The following SYNE1 variants were observed in gnomAD, a reference collection of about 807,000 sequenced individuals.
The protein encoded by SYNE1 is nesprin-1.
A neutral mutation model predicts 1,111.0 loss-of-function variants in SYNE1; 616 were observed. The observed-to-expected ratio is 0.55, with a 90% confidence interval of 0.52 to 0.59. The LOEUF (loss-of-function observed/expected upper bound fraction) is 0.59. Ranked by LOEUF, SYNE1 falls within the 20% of genes least tolerant of loss-of-function variation. The probability of loss-of-function intolerance (pLI) is 0.00; values close to 1 mark genes in which losing one functional copy is unlikely to be tolerated. For synonymous variants in SYNE1, 3,855 were observed against 3,825.8 expected (o/e 1.01, Z -0.28); for missense variants, 10,006 against 10,417.0 (o/e 0.96, Z 1.72).
intron 68 of SYNE1, 47 bp from the exon 69 acceptor site, chr6:152,353,480 C>T (rs572624303): frequency 1.2e-4 from 201 of 1,612,072 alleles, no homozygotes; most frequent in Non-Finnish European, 1.6e-4. Context: ...AGGCCTGTGC[C>T]AGGGCCTTTG....
At chr6:152,426,638 T>C (rs2098360943) in intron 38 of SYNE1, among the ~76,000 whole-genome samples, 1 of 152,220 alleles carries the variant, frequency 6.6e-6, no homozygotes, top group South Asian at 2.1e-4. Context: ...GTCCCTCCCC[T>C]CTGGGAATAC....
At chr6:152,338,504 C>T (rs2096457546) in intron 75 of SYNE1, among the ~76,000 whole-genome samples, 2 of 151,890 alleles carry the variant, frequency 1.3e-5, no homozygotes, top group South Asian at 4.2e-4. Context: ...TGCCTATAGT[C>T]CCAGCTATTG....
At chr6:152,195,952 C>T (rs1196909315) in intron 127 of SYNE1, among the ~76,000 whole-genome samples, 2 of 152,194 alleles carry the variant, frequency 1.3e-5, no homozygotes, top group African/African-American at 2.4e-5. Flanking sequence ...CTACCTGGTG[C>T]TCTGTTCTAC....
At chr6:152,231,607 G>C in intron 113 of SYNE1, 40 bp from the exon 114 acceptor site, 1 of 1,595,224 alleles carries the variant, frequency 6.3e-7, no homozygotes, top group Non-Finnish European at 8.6e-7. Flanking sequence ...TACAATAAAT[G>C]TCTCATTAGT....
In SYNE1 at chr6:152,353,759, T is replaced by C. The variant is rs1361802635; in HGVS notation, c.10927-15A>G. 2 of 1,613,540 alleles carry C rather than the reference T, an allele frequency of 1.2e-6. No homozygotes were observed. Among genetic ancestry groups the C allele is most frequent in the East Asian group, 2.2e-5 (1 of 44,874 alleles). On this transcript the variant is annotated splice_polypyrimidine_tract_variant and intron_variant, in intron 67 of 145. Transcript: ENST00000367255. ...TCGTGCCACTTCTGAAATGACAAAG[T>C]ATCGAAGGGAAAGATTCAATCTTAG...
chr6:152,409,433 T>A, intron 43 of SYNE1, 126 bp downstream of exon 43: 1 of 1,346,898 alleles, frequency 7.4e-7, no homozygotes, highest in Non-Finnish European at 1.0e-6. Context: ...GAAAAAAAGT[T>A]GAGCTCATTA....
Position 152,381,098 on chromosome 6 carries a change from T to C in SYNE1, c.8917A>G (p.Ser2973Gly). 6.2e-7 allele frequency: 1 copy of C among 1,614,220 alleles called. No individual in the cohort carries two copies. Among genetic ancestry groups the C allele is most frequent in the South Asian group, 1.1e-5 (1 of 91,092 alleles). ...TGAGCCCAGGTTTTCAGAAGGGCACTGAACTGTTCCAGGGCCTGCTCCAGT... is the reference window on the plus strand; with the variant it reads ...TGAGCCCAGGTTTTCAGAAGGGCACCGAACTGTTCCAGGGCCTGCTCCAGT... ...AQLEQALEQF[S>G]ALLKTWAQQL... The change falls in exon 56 of 146, where the codon AGT becomes GGT. Residue 2973 changes from serine (S) to glycine (G), a missense_variant. Coordinates refer to ENST00000367255, the MANE Select transcript of SYNE1 (RefSeq NM_182961.4).
intron 145 of SYNE1, among the ~76,000 whole-genome samples, chr6:152,130,213 G>A (rs955445226): frequency 1.3e-5 from 2 of 152,126 alleles, no homozygotes; most frequent in Non-Finnish European, 2.9e-5. Flanking sequence ...AATTTCCAAT[G>A]AACACCAAAT....
At position 152,465,209 on chromosome 6, in the gene SYNE1, A is replaced by G. The variant is rs539111740; in HGVS notation, c.1932+49T>C. ...GTGAGCTACGCTGTAAAAGTCTCTC[A>G]TTTTTACATACATCAAACGTCTTTT... On this transcript the variant is annotated intron_variant, in intron 18 of 145. Coordinates refer to ENST00000367255, the MANE Select transcript of SYNE1 (RefSeq NM_182961.4). The G allele has an allele frequency of 1.7e-4, 268 of 1,600,658 alleles. 3 individuals carry two copies. In the South Asian group the frequency reaches 2.8e-3, roughly 17 times the overall value.
intron 102 of SYNE1, 144 bp downstream of exon 102, chr6:152,256,490 T>C: frequency 2.3e-6 from 2 of 879,002 alleles, no homozygotes; most frequent in South Asian, 2.9e-5. Context: ...CAGGGTCCAG[T>C]GATCTTTGTT....
chr6:152,451,466 G>GTTT (rs1305086325), intron 25 of SYNE1, among the ~76,000 whole-genome samples: 1 of 112,328 alleles, frequency 8.9e-6, no homozygotes, highest in Non-Finnish European at 1.8e-5. Context: ...GCCCTGCACC[G>GTTT]TATTTTTTTT....
At chr6:152,455,704 C>A in intron 23 of SYNE1, 114 bp from the exon 24 acceptor site, 1 of 1,452,072 alleles carries the variant, frequency 6.9e-7, no homozygotes, top group Non-Finnish European at 9.6e-7. Context: ...ATTTCATCAT[C>A]ATGGGAATAA....
At position 152,534,084 on chromosome 6, in the gene SYNE1, G is replaced by A. The variant is rs567370225; in HGVS notation, c.129+5876C>T. Reference sequence around the variant, plus strand: ...TAAGGCAGGAAAATCACTTGAACTCGGGAGGAGGAGGTTGCAGTGATCCAA... The same window carrying A: ...TAAGGCAGGAAAATCACTTGAACTCAGGAGGAGGAGGTTGCAGTGATCCAA... On this transcript the variant is annotated intron_variant, in intron 4 of 145. Transcript: ENST00000367255. Among the ~76,000 whole-genome samples, 99 of 152,008 alleles carry A rather than the reference G, an allele frequency of 6.5e-4. 1 individual carries two copies. Among genetic ancestry groups the A allele is most frequent in the Non-Finnish European group, 1.3e-3 (87 of 67,986 alleles).
intron 140 of SYNE1, among the ~76,000 whole-genome samples, chr6:152,139,224 C>T (rs2057823425): frequency 2.6e-5 from 4 of 152,224 alleles, no homozygotes; most frequent in Admixed American, 1.3e-4. Flanking sequence ...ATCGTGTGTG[C>T]TTATTTACAT....
intron 78 of SYNE1, among the ~76,000 whole-genome samples, chr6:152,329,514 G>A (rs930286568): frequency 6.6e-6 from 1 of 152,184 alleles, no homozygotes; most frequent in Admixed American, 6.5e-5. Context: ...GCAACAGAGC[G>A]AGACTTCGTC....
intron 105 of SYNE1, among the ~76,000 whole-genome samples, chr6:152,245,812 C>T (rs2086965137): frequency 6.6e-6 from 1 of 152,110 alleles, no homozygotes; most frequent in South Asian, 2.1e-4. Context: ...CCCACAGATG[C>T]CCCTCCTTAT....
intron 3 of SYNE1, among the ~76,000 whole-genome samples, chr6:152,595,314 T>A (rs1185251076): frequency 6.6e-6 from 1 of 152,364 alleles, no homozygotes; most frequent in East Asian, 1.9e-4. Context: ...GGATGTGAAC[T>A]TTTCAAGGCA....
chr6:152,167,502 A>G (rs1178620087), intron 130 of SYNE1, among the ~76,000 whole-genome samples: 1 of 152,236 alleles, frequency 6.6e-6, no homozygotes, highest in Non-Finnish European at 1.5e-5. Context: ...ACTGAAAAAA[A>G]TCATGAACTA....
chr6:152,463,231 A>G (rs1286702763), intron 19 of SYNE1, 122 bp downstream of exon 19: 5 of 1,383,190 alleles, frequency 3.6e-6, no homozygotes, highest in Non-Finnish European at 5.1e-6. Flanking sequence ...CACCGGTTTT[A>G]AACATATCTA....
Sources: gnomAD v4.1 joint callset for allele counts (sites outside exome capture counted in the v4.1 genomes callset) on GRCh38, gnomAD v4.1.1 for gene constraint, MANE v1.5 for transcripts, NCBI Gene and HGNC (gene_info 2026-07-23, HGNC 2026-07-21) for gene names.